PIGL: variants seen among roughly 807,000 people sequenced by gnomAD.
The protein encoded by PIGL is phosphatidylinositol glycan anchor biosynthesis class L, also known as N-acetylglucosaminyl-phosphatidylinositol de-N-acetylase.
Under a neutral mutation model 31.1 loss-of-function variants are expected in PIGL, and 22 were observed. The observed-to-expected ratio is 0.71, with a 90% CI of 0.51 to 1.01. PIGL has a LOEUF of 1.01. Among genes scored for constraint, PIGL ranks in the 50% least tolerant of loss-of-function variants. The probability of loss-of-function intolerance (pLI) is 0.00; values close to 1 mark genes in which losing one functional copy is unlikely to be tolerated. For missense variants in PIGL, 302 were observed against 315.9 expected (o/e 0.96, Z 0.33); for synonymous variants, 131 against 117.4 (o/e 1.12, Z -0.75).
chr17:16,243,663 C>T (rs945005481), intron 2 of PIGL, among the ~76,000 whole-genome samples: 1 of 152,182 alleles, frequency 6.6e-6, no homozygotes, highest in South Asian at 2.1e-4. Context: ...TCGAAAGATA[C>T]ATGGTTTTGA....
chr17:16,282,767 T>G (rs1279974894), intron 2 of PIGL, among the ~76,000 whole-genome samples: 1 of 152,208 alleles, frequency 6.6e-6, no homozygotes. Flanking sequence ...TATCCTGATG[T>G]GATGTTGGCA....
intron 2 of PIGL, among the ~76,000 whole-genome samples, chr17:16,260,147 G>C (rs1234643537): frequency 1.3e-5 from 2 of 152,204 alleles, no homozygotes; most frequent in Admixed American, 6.5e-5. Flanking sequence ...CTCACCATGG[G>C]CCTGCAGGCA....
At chr17:16,255,105 T>C (rs529758604) in intron 2 of PIGL, among the ~76,000 whole-genome samples, 1 of 152,354 alleles carries the variant, frequency 6.6e-6, no homozygotes, top group East Asian at 1.9e-4. Flanking sequence ...TCAGTTTTTA[T>C]TTACGCAGAA....
chr17:16,234,017 G>C lies in PIGL; in HGVS notation c.282G>C (p.Gln94His). Residue 94 changes from glutamine (Q) to histidine (H), a missense_variant, in exon 2 of 7, where the codon CAG becomes CAC. Physicochemically the swap from Gln to His is conservative, Grantham distance 24 (BLOSUM62 0). Coordinates refer to ENST00000225609, the MANE Select transcript of PIGL (RefSeq NM_004278.4). ...QGETRKKELL[Q>H]SCDVLGIPLS... ...AGACTCGTAAGAAAGAACTTTTGCA[G>C]AGCTGTGATGTTTTGGGGATTCCAC... is the stretch of plus-strand genomic sequence containing the variant. 6.2e-7 allele frequency: 1 copy of C among 1,610,074 alleles called. No homozygotes were observed. Among genetic ancestry groups the C allele is most frequent in the Non-Finnish European group, 8.5e-7 (1 of 1,176,460 alleles).
At chr17:16,298,467 ATC>A (rs1157915924) in intron 2 of PIGL, among the ~76,000 whole-genome samples, 1 of 152,198 alleles carries the variant, frequency 6.6e-6, no homozygotes, top group Non-Finnish European at 1.5e-5. Flanking sequence ...GACACCATAG[ATC>A]AAAGCACAGA....
At chr17:16,298,628 A>G (rs1390298177) in intron 2 of PIGL, among the ~76,000 whole-genome samples, 1 of 152,250 alleles carries the variant, frequency 6.6e-6, no homozygotes, top group East Asian at 1.9e-4. Flanking sequence ...GGGAGGATGT[A>G]GCCAGCTCCC....
chr17:16,319,331 TACC>T (rs1429975443), intron 6 of PIGL, among the ~76,000 whole-genome samples: 1 of 152,004 alleles, frequency 6.6e-6, no homozygotes, highest in Non-Finnish European at 1.5e-5. Flanking sequence ...TGTATGTATA[TACC>T]ATAAGATATA....
intron 1 of PIGL, among the ~76,000 whole-genome samples, chr17:16,222,671 C>T (rs1211006912): frequency 2.0e-5 from 3 of 151,544 alleles, no homozygotes; most frequent in Non-Finnish European, 2.9e-5. Context: ...AATTGATTCC[C>T]AGTGTATGTT....
intron 2 of PIGL, among the ~76,000 whole-genome samples, chr17:16,272,739 C>T (rs2092877939): frequency 6.6e-6 from 1 of 152,212 alleles, no homozygotes; most frequent in Admixed American, 6.5e-5. Context: ...ATGCTGACCA[C>T]TCCCCCAATC....
At chr17:16,217,511 T>C in intron 1 of PIGL, 50 bp downstream of exon 1, 1 of 1,426,660 alleles carries the variant, frequency 7.0e-7, no homozygotes, top group South Asian at 1.2e-5. Flanking sequence ...GAAAGGGATT[T>C]AAGTGCTAAC....
intron 3 of PIGL, 138 bp from the exon 4 acceptor site, chr17:16,313,409 T>A: frequency 2.8e-6 from 2 of 705,200 alleles, no homozygotes; most frequent in Non-Finnish European, 5.2e-6. Context: ...ACTGATCTGC[T>A]CAGAAGTCAC....
chr17:16,292,032 C>CTTTTTTTTT (rs35568368), intron 2 of PIGL, among the ~76,000 whole-genome samples: 1 of 122,250 alleles, frequency 8.2e-6, no homozygotes, highest in South Asian at 2.7e-4. Flanking sequence ...TAATGGAGCT[C>CTTTTTTTTT]TTTTTTTTTT....
At chr17:16,277,632 T>G (rs1410220565) in intron 2 of PIGL, among the ~76,000 whole-genome samples, 2 of 152,182 alleles carry the variant, frequency 1.3e-5, no homozygotes. Context: ...TTTCCTCTAT[T>G]TTAATGTCAC....
chr17:16,326,080 A>G lies in PIGL; in HGVS notation c.*182A>G, dbSNP rs140126036. On this transcript the variant is annotated 3_prime_UTR_variant, in exon 7 of 7. Coordinates refer to ENST00000225609, the MANE Select transcript of PIGL (RefSeq NM_004278.4). ...AAACTCCAGCTTCTTCCCCTGGGAA[A>G]AAACCCAAAGAACCAAAAACAAACC... is the stretch of plus-strand genomic sequence containing the variant. 753 of 571,384 alleles carry G rather than the reference A, an allele frequency of 1.3e-3. 9 individuals carry two copies. In the Admixed American group the frequency reaches 0.02, roughly 15 times the overall value. 35.4% of individuals were successfully genotyped at this position (571,384 alleles called of 1,614,324 possible).
chr17:16,286,023 C>T (rs903398113), intron 2 of PIGL, among the ~76,000 whole-genome samples: 5 of 152,242 alleles, frequency 3.3e-5, no homozygotes, highest in Non-Finnish European at 7.3e-5. Flanking sequence ...TAGGCTTCCA[C>T]GTCCTTGGCT....
At chr17:16,218,851 G>A (rs1312850766) in intron 1 of PIGL, among the ~76,000 whole-genome samples, 1 of 150,244 alleles carries the variant, frequency 6.7e-6, no homozygotes, top group East Asian at 2.0e-4. Context: ...GCTAATTTTT[G>A]TATTTTTAGT....
chr17:16,297,609 T>C (rs1265058288), intron 2 of PIGL, among the ~76,000 whole-genome samples: 3 of 152,216 alleles, frequency 2.0e-5, no homozygotes, highest in Non-Finnish European at 4.4e-5. Flanking sequence ...CTCCTTCAGC[T>C]GCGTGAGCTC....
intron 3 of PIGL, among the ~76,000 whole-genome samples, chr17:16,313,070 A>G (rs1409290275): frequency 6.6e-6 from 1 of 152,226 alleles, no homozygotes; most frequent in African/African-American, 2.4e-5. Context: ...AACAGAGGCA[A>G]TCTATGAATA....
At chr17:16,252,949 G>A (rs1380251325) in intron 2 of PIGL, among the ~76,000 whole-genome samples, 1 of 152,160 alleles carries the variant, frequency 6.6e-6, no homozygotes, top group African/African-American at 2.4e-5. Context: ...TGGGCGTGGT[G>A]GCTTATTCCT....
Sources: gnomAD v4.1 joint callset for allele counts (sites outside exome capture counted in the v4.1 genomes callset) on GRCh38, gnomAD v4.1.1 for gene constraint, MANE v1.5 for transcripts, NCBI Gene and HGNC (gene_info 2026-07-23, HGNC 2026-07-21) for gene names.